PRKD1: variants seen among roughly 807,000 people sequenced by gnomAD.
The protein encoded by PRKD1 is serine/threonine-protein kinase D1.
Under a neutral mutation model 95.9 loss-of-function variants are expected in PRKD1, and 63 were observed. The observed-to-expected ratio is 0.66, with a 90% CI of 0.54 to 0.81. The LOEUF (loss-of-function observed/expected upper bound fraction) is 0.81. PRKD1 is among the 30% of genes least tolerant of loss of function. The pLI is 0.00. For synonymous variants in PRKD1, 425 were observed against 423.1 expected (o/e 1.00, Z -0.05); for missense variants, 1,048 against 1,165.3 (o/e 0.90, Z 1.47).
intron 1 of PRKD1, among the ~76,000 whole-genome samples, chr14:29,916,442 T>A (rs1894890319): frequency 6.6e-6 from 1 of 152,224 alleles, no homozygotes; most frequent in Admixed American, 6.5e-5. Flanking sequence ...CTGTTGTCAC[T>A]GTTTCAGGTC....
intron 1 of PRKD1, among the ~76,000 whole-genome samples, chr14:29,881,949 T>C (rs1276861130): frequency 3.3e-5 from 5 of 152,180 alleles, no homozygotes; most frequent in Non-Finnish European, 1.5e-5. Flanking sequence ...GTCTTACTTA[T>C]CCCTTCCATA....
chr14:29,689,902 T>C (rs1233841775), intron 2 of PRKD1, among the ~76,000 whole-genome samples: 3 of 152,236 alleles, frequency 2.0e-5, no homozygotes, highest in African/African-American at 7.2e-5. Flanking sequence ...CTCACTTATA[T>C]GTGGGAGCTG....
intron 6 of PRKD1, among the ~76,000 whole-genome samples, chr14:29,636,863 A>G (rs1206760201): frequency 1.3e-5 from 2 of 152,180 alleles, no homozygotes; most frequent in Non-Finnish European, 2.9e-5. Context: ...AAGTGAGAAC[A>G]TGTGGTATTT....
chr14:29,660,165 A>C (rs925586936), intron 4 of PRKD1, among the ~76,000 whole-genome samples: 1 of 152,170 alleles, frequency 6.6e-6, no homozygotes, highest in Non-Finnish European at 1.5e-5. Context: ...TGCTGAAAAG[A>C]CCATTCTTTT....
intron 2 of PRKD1, among the ~76,000 whole-genome samples, chr14:29,691,238 T>C (rs947748767): frequency 3.3e-5 from 5 of 152,218 alleles, no homozygotes; most frequent in African/African-American, 1.2e-4. Flanking sequence ...CCAAACTATG[T>C]AGAACACCAG....
At chr14:29,850,782 C>A (rs1197140710) in intron 1 of PRKD1, among the ~76,000 whole-genome samples, 2 of 151,068 alleles carry the variant, frequency 1.3e-5, no homozygotes, top group African/African-American at 4.9e-5. Context: ...CAATCCTAAG[C>A]AAAAAGAACA....
chr14:29,649,752 T>C (rs1157844498), intron 4 of PRKD1, among the ~76,000 whole-genome samples: 1 of 152,238 alleles, frequency 6.6e-6, no homozygotes, highest in Non-Finnish European at 1.5e-5. Context: ...ACTTGACTTT[T>C]TGATTTCCCA....
At chr14:29,586,233 C>T (rs1892922516) in intron 16 of PRKD1, among the ~76,000 whole-genome samples, 1 of 152,152 alleles carries the variant, frequency 6.6e-6, no homozygotes, top group South Asian at 2.1e-4. Flanking sequence ...CTGTCCTCAG[C>T]TCCATCTTGT....
intron 1 of PRKD1, among the ~76,000 whole-genome samples, chr14:29,903,330 C>A (rs964569499): frequency 6.6e-6 from 1 of 152,148 alleles, no homozygotes; most frequent in South Asian, 2.1e-4. Flanking sequence ...TGGCACACGA[C>A]CCTTTAATAT....
At chr14:29,627,598 C>G (rs1166189468) in intron 11 of PRKD1, among the ~76,000 whole-genome samples, 1 of 152,136 alleles carries the variant, frequency 6.6e-6, no homozygotes, top group Non-Finnish European at 1.5e-5. Flanking sequence ...CTATTACATC[C>G]TATCAGATTT....
chr14:29,754,044 C>A (rs925305011), intron 1 of PRKD1, among the ~76,000 whole-genome samples: 7 of 152,184 alleles, frequency 4.6e-5, no homozygotes, highest in African/African-American at 1.7e-4. Flanking sequence ...CTTTTACCAG[C>A]AGTGCCTAAG....
intron 1 of PRKD1, among the ~76,000 whole-genome samples, chr14:29,895,837 T>G (rs971621968): frequency 2.6e-5 from 4 of 152,190 alleles, no homozygotes; most frequent in Non-Finnish European, 5.9e-5. Context: ...GACCACCCTA[T>G]GTAACACTGT....
rs189009122 is a variant in PRKD1 at position 29,704,095 on chromosome 14, C to T, written c.403+21441G>A. Among the ~76,000 whole-genome samples, 16 of 152,124 alleles carry T rather than the reference C, an allele frequency of 1.1e-4. 1 individual carries two copies. Among genetic ancestry groups the T allele is most frequent in the African/African-American group, 3.1e-4 (13 of 41,510 alleles). The stretch of plus-strand genomic sequence containing the variant: ...CAATACAACACGGGACAAAACCATT[C>T]GACAAAGAGTTTTTGGACTGTGAGG... On this transcript the variant is annotated intron_variant, in intron 2 of 17. Transcript: ENST00000331968.
chr14:29,879,835 A>T (rs2139393366), intron 1 of PRKD1, among the ~76,000 whole-genome samples: 2 of 152,310 alleles, frequency 1.3e-5, no homozygotes, highest in South Asian at 4.1e-4. Context: ...TTCAGCAAAG[A>T]CACTGGCAGC....
At chr14:29,614,284 G>A (rs753442926) in intron 13 of PRKD1, among the ~76,000 whole-genome samples, 2 of 152,074 alleles carry the variant, frequency 1.3e-5, no homozygotes, top group Admixed American at 6.6e-5. Context: ...TTTCTAATTC[G>A]TGCTTTCAAC....
chr14:29,868,098 A>G (rs1037130838), intron 1 of PRKD1, among the ~76,000 whole-genome samples: 2 of 152,198 alleles, frequency 1.3e-5, no homozygotes, highest in African/African-American at 4.8e-5. Flanking sequence ...CTCGACTTCA[A>G]TAACAGTCTT....
chr14:29,696,831 T>C (rs1232374837), intron 2 of PRKD1, among the ~76,000 whole-genome samples: 1 of 152,110 alleles, frequency 6.6e-6, no homozygotes, highest in African/African-American at 2.4e-5. Flanking sequence ...TAATTTGTAA[T>C]TATGAAAATG....
At chr14:29,736,719 T>C (rs1886731256) in intron 1 of PRKD1, among the ~76,000 whole-genome samples, 1 of 152,216 alleles carries the variant, frequency 6.6e-6, no homozygotes, top group African/African-American at 2.4e-5. Context: ...CTAAGCTCTT[T>C]AATTCTACCC....
intron 2 of PRKD1, among the ~76,000 whole-genome samples, chr14:29,676,597 C>A (rs930975439): frequency 6.6e-6 from 1 of 152,178 alleles, no homozygotes; most frequent in African/African-American, 2.4e-5. Context: ...TCGTGATCTG[C>A]CCGCCTCGGC....
Sources: allele counts gnomAD v4.1 joint callset (sites outside exome capture counted in the v4.1 genomes callset), GRCh38; gene constraint gnomAD v4.1.1; transcripts MANE v1.5; gene names NCBI Gene and HGNC (gene_info 2026-07-23, HGNC 2026-07-21).